The following BBS9 variants were observed in gnomAD, a reference collection of about 807,000 sequenced individuals.
The protein encoded by BBS9 is Bardet-Biedl syndrome 9, also known as protein PTHB1.
Under a neutral mutation model 117.7 loss-of-function variants are expected in BBS9, and 89 were observed. The observed-to-expected ratio is 0.76, with a 90% confidence interval of 0.64 to 0.90. BBS9 has a LOEUF of 0.90. Ranked by LOEUF, BBS9 falls within the 40% of genes least tolerant of loss-of-function variation. The pLI, the probability that BBS9 is intolerant of heterozygous loss-of-function variation, is 0.00. For synonymous variants in BBS9, 379 were observed against 370.9 expected (o/e 1.02, Z -0.25); for missense variants, 982 against 1,042.2 (o/e 0.94, Z 0.80).
At chr7:33,224,615 G>A (rs190652386) in intron 5 of BBS9, among the ~76,000 whole-genome samples, 67 of 152,108 alleles carry the variant, frequency 4.4e-4, no homozygotes, top group African/African-American at 1.5e-3. Context: ...CCTCCCCACC[G>A]ATCTTCTCCC....
intron 19 of BBS9, among the ~76,000 whole-genome samples, chr7:33,499,223 A>G (rs145485519): frequency 4.7e-4 from 72 of 152,362 alleles, no homozygotes; most frequent in African/African-American, 1.7e-3. Flanking sequence ...AACTTTTTGA[A>G]TCAGACACTT....
Position 33,584,791 on chromosome 7 carries a change from G to C in BBS9, c.2522-20074G>C, listed in dbSNP as rs564629842. 2.1e-4 allele frequency among the ~76,000 whole-genome samples: 32 copies of C among 152,178 alleles called. 1 individual carries two copies. In the South Asian group the frequency reaches 5.8e-3, roughly 28 times the overall value. On this transcript the variant is annotated intron_variant, in intron 21 of 22. Transcript: ENST00000242067. ...GAGTTTGTACTCAGGGATTTGGGTG[G>C]TTTTATAGCATGGTGATGCTAACTT...
chr7:33,394,132 C>T (rs1295616312), intron 19 of BBS9, among the ~76,000 whole-genome samples: 1 of 152,150 alleles, frequency 6.6e-6, no homozygotes, highest in African/African-American at 2.4e-5. Context: ...GAGCATGATT[C>T]TTACAGGGGA....
At chr7:33,181,019 C>A (rs1798025748) in intron 5 of BBS9, among the ~76,000 whole-genome samples, 1 of 152,164 alleles carries the variant, frequency 6.6e-6, no homozygotes, top group African/African-American at 2.4e-5. Flanking sequence ...ACAAGCACTC[C>A]TACTTGAGGT....
At chr7:33,359,285 C>A (rs1820191295) in intron 16 of BBS9, among the ~76,000 whole-genome samples, 1 of 151,954 alleles carries the variant, frequency 6.6e-6, no homozygotes, top group Non-Finnish European at 1.5e-5. Context: ...CACCTGACTT[C>A]TGAGGAAGGG....
rs560519598 is a variant in BBS9 at position 33,512,533 on chromosome 7, C to T, written c.2298+6888C>T. Among the ~76,000 whole-genome samples, 5 of 152,276 alleles carry T rather than the reference C, an allele frequency of 3.3e-5. 1 individual carries two copies. The South Asian group carries it at 1.0e-3, about 32-fold the overall frequency. ...GGTAATAATTAAATTCAAACAATCACAGTGAGGAAAATAGTGATCATCATC... is the reference window on the plus strand; with the variant it reads ...GGTAATAATTAAATTCAAACAATCATAGTGAGGAAAATAGTGATCATCATC... On this transcript the variant is annotated intron_variant, in intron 20 of 22. Coordinates refer to ENST00000242067, the MANE Select transcript of BBS9 (RefSeq NM_198428.3).
intron 9 of BBS9, among the ~76,000 whole-genome samples, chr7:33,323,207 C>T (rs1335605190): frequency 6.6e-6 from 1 of 152,106 alleles, no homozygotes; most frequent in Non-Finnish European, 1.5e-5. Context: ...GTGTATTCTG[C>T]AGCCGTTAGA....
At chr7:33,304,670 T>A (rs1340188414) in intron 9 of BBS9, among the ~76,000 whole-genome samples, 1 of 151,620 alleles carries the variant, frequency 6.6e-6, no homozygotes, top group African/African-American at 2.4e-5. Flanking sequence ...TGGGCCATGA[T>A]GACGATGGCG....
At chr7:33,307,796 G>A (rs1248463056) in intron 9 of BBS9, among the ~76,000 whole-genome samples, 1 of 140,390 alleles carries the variant, frequency 7.1e-6, no homozygotes, top group South Asian at 2.2e-4. Context: ...TAGTATTTTT[G>A]ATCCATGGTT....
At chr7:33,547,984 T>A (rs1213372980) in intron 21 of BBS9, among the ~76,000 whole-genome samples, 1 of 151,714 alleles carries the variant, frequency 6.6e-6, no homozygotes, top group Non-Finnish European at 1.5e-5. Context: ...TAGGGAAAGG[T>A]CTACCATCAA....
intron 5 of BBS9, among the ~76,000 whole-genome samples, chr7:33,237,410 G>A (rs1402180510): frequency 1.3e-5 from 2 of 152,140 alleles, no homozygotes; most frequent in Admixed American, 1.3e-4. Context: ...TTTCAATTAT[G>A]GACAGTGTGT....
chr7:33,415,040 A>T (rs1831761945), intron 19 of BBS9, among the ~76,000 whole-genome samples: 1 of 152,158 alleles, frequency 6.6e-6, no homozygotes, highest in Non-Finnish European at 1.5e-5. Flanking sequence ...CCTACCCTTT[A>T]TCTTGATGGT....
chr7:33,162,611 C>T (rs998120695), intron 4 of BBS9, among the ~76,000 whole-genome samples: 1 of 151,814 alleles, frequency 6.6e-6, no homozygotes, highest in African/African-American at 2.4e-5. Context: ...TGGGAGTTCA[C>T]TCATGATTTG....
At chr7:33,304,896 G>A (rs1005122244) in intron 9 of BBS9, among the ~76,000 whole-genome samples, 3 of 152,008 alleles carry the variant, frequency 2.0e-5, no homozygotes, top group Non-Finnish European at 4.4e-5. Flanking sequence ...GATTAAGGGC[G>A]GTGCAAGATG....
At chr7:33,187,529 C>G (rs749363851) in intron 5 of BBS9, among the ~76,000 whole-genome samples, 4 of 152,218 alleles carry the variant, frequency 2.6e-5, no homozygotes, top group African/African-American at 9.6e-5. Context: ...TTTGTCCCTC[C>G]GTCTGTCCAT....
In BBS9 at chr7:33,398,371, C is replaced by T. The variant is rs550280334; in HGVS notation, c.2115+10227C>T. On this transcript the variant is annotated intron_variant, in intron 19 of 22. Coordinates refer to ENST00000242067, the MANE Select transcript of BBS9 (RefSeq NM_198428.3). ...ATTCCATATATGAGTTAGTTTATTCCTGTTCACTGAAAAGAGAGCAGTTAG... is the reference window on the plus strand; with the variant it reads ...ATTCCATATATGAGTTAGTTTATTCTTGTTCACTGAAAAGAGAGCAGTTAG... 5.3e-5 allele frequency among the ~76,000 whole-genome samples: 8 copies of T among 152,172 alleles called. No individual in the cohort carries two copies. In the East Asian group the frequency reaches 1.5e-3, roughly 29 times the overall value.
At chr7:33,249,819 A>ACATGATC (rs1795955876) in intron 5 of BBS9, among the ~76,000 whole-genome samples, 1 of 152,168 alleles carries the variant, frequency 6.6e-6, no homozygotes, top group Non-Finnish European at 1.5e-5. Flanking sequence ...TGTTGGTGAA[A>ACATGATC]CATGATCCAT....
chr7:33,195,096 C>G (rs569490162), intron 5 of BBS9, among the ~76,000 whole-genome samples: 1 of 152,202 alleles, frequency 6.6e-6, no homozygotes, highest in South Asian at 2.1e-4. Context: ...GAGAGAAGGT[C>G]TATGTGTTCT....
chr7:33,473,140 T>C (rs958964992), intron 19 of BBS9, among the ~76,000 whole-genome samples: 1 of 152,240 alleles, frequency 6.6e-6, no homozygotes, highest in Admixed American at 6.5e-5. Flanking sequence ...TGAAAGATTA[T>C]GTCTTCCCCT....
Sources: allele counts gnomAD v4.1 joint callset (sites outside exome capture counted in the v4.1 genomes callset), GRCh38; gene constraint gnomAD v4.1.1; transcripts MANE v1.5; gene names NCBI Gene and HGNC (gene_info 2026-07-23, HGNC 2026-07-21).